GRIA4: variants seen among roughly 807,000 people sequenced by gnomAD.
The protein encoded by GRIA4 is glutamate ionotropic receptor AMPA type subunit 4, also known as glutamate receptor 4.
In GRIA4, 34 loss-of-function variants were observed where a neutral mutation model predicts 104.0. That is an observed-to-expected ratio of 0.33 (90% CI 0.25 to 0.44). GRIA4 has a LOEUF of 0.44. GRIA4 is among the 20% of genes least tolerant of loss of function. The probability of loss-of-function intolerance (pLI) is 1.00; values close to 1 mark genes in which losing one functional copy is unlikely to be tolerated. For missense variants in GRIA4, 750 were observed against 1,096.5 expected (o/e 0.68, Z 4.46); for synonymous variants, 386 against 381.9 (o/e 1.01, Z -0.13).
intron 3 of GRIA4, among the ~76,000 whole-genome samples, chr11:105,640,898 G>C (rs561693510): frequency 1.3e-5 from 2 of 151,518 alleles, no homozygotes; most frequent in African/African-American, 4.8e-5. Context: ...CTTATTCTTT[G>C]GTTTTCTATT....
At chr11:105,735,630 A>G (rs565170689) in intron 3 of GRIA4, among the ~76,000 whole-genome samples, 9 of 152,224 alleles carry the variant, frequency 5.9e-5, no homozygotes, top group Admixed American at 1.3e-4. Context: ...TCTACTTTTT[A>G]TCTAAGCTAA....
chr11:105,845,611 G>C (rs534161104), intron 4 of GRIA4, among the ~76,000 whole-genome samples: 1 of 152,178 alleles, frequency 6.6e-6, no homozygotes, highest in Non-Finnish European at 1.5e-5. Flanking sequence ...GGCCGGGCAC[G>C]GTGGCTCACG....
chr11:105,741,444 T>A (rs571763448), intron 3 of GRIA4, among the ~76,000 whole-genome samples: 301 of 152,238 alleles, frequency 2.0e-3, no homozygotes, highest in African/African-American at 7.1e-3. Flanking sequence ...GATTAGATGA[T>A]CTAAAGAAAC....
intron 10 of GRIA4, among the ~76,000 whole-genome samples, chr11:105,918,464 G>A (rs537147431): frequency 1.3e-5 from 2 of 151,990 alleles, no homozygotes. Flanking sequence ...CATAGTGCTA[G>A]GTTTTTAATA....
chr11:105,824,089 A>G (rs934355014), intron 4 of GRIA4, among the ~76,000 whole-genome samples: 1 of 152,114 alleles, frequency 6.6e-6, no homozygotes, highest in Admixed American at 6.6e-5. Flanking sequence ...CTGATCTTGG[A>G]CTTCTAATCT....
intron 3 of GRIA4, among the ~76,000 whole-genome samples, chr11:105,653,616 T>C (rs946183117): frequency 3.3e-5 from 5 of 152,188 alleles, no homozygotes; most frequent in African/African-American, 1.2e-4. Context: ...GGACGGACTG[T>C]TGTACTGGCC....
chr11:105,691,104 G>A (rs1201584148), intron 3 of GRIA4, among the ~76,000 whole-genome samples: 1 of 152,092 alleles, frequency 6.6e-6, no homozygotes, highest in Non-Finnish European at 1.5e-5. Context: ...CATGTGTGGA[G>A]AAGGAAGCAT....
At chr11:105,703,711 G>T (rs574024261) in intron 3 of GRIA4, among the ~76,000 whole-genome samples, 3 of 152,102 alleles carry the variant, frequency 2.0e-5, no homozygotes, top group Non-Finnish European at 2.9e-5. Context: ...ACATAGAAAA[G>T]AGTTAAGACT....
chr11:105,842,009 T>G (rs1424632910), intron 4 of GRIA4, among the ~76,000 whole-genome samples: 1 of 152,178 alleles, frequency 6.6e-6, no homozygotes, highest in Non-Finnish European at 1.5e-5. Flanking sequence ...TTAAATTTAC[T>G]TTTTCACATC....
intron 4 of GRIA4, among the ~76,000 whole-genome samples, chr11:105,804,528 T>G (rs1198155819): frequency 6.6e-6 from 1 of 151,914 alleles, no homozygotes; most frequent in African/African-American, 2.4e-5. Context: ...AGTTGTATAC[T>G]CCTGCACAGA....
At chr11:105,940,278 C>G (rs1948151347) in intron 14 of GRIA4, among the ~76,000 whole-genome samples, 1 of 152,078 alleles carries the variant, frequency 6.6e-6, no homozygotes, top group African/African-American at 2.4e-5. Flanking sequence ...AGGAGAATCA[C>G]TTGAATCCAG....
At chr11:105,639,834 G>C (rs550731358) in intron 3 of GRIA4, among the ~76,000 whole-genome samples, 1 of 152,026 alleles carries the variant, frequency 6.6e-6, no homozygotes, top group Admixed American at 6.6e-5. Context: ...TATAAAAGTA[G>C]TAACAAATCA....
chr11:105,882,580 A>G (rs1946105694), intron 5 of GRIA4, among the ~76,000 whole-genome samples: 1 of 152,142 alleles, frequency 6.6e-6, no homozygotes, highest in South Asian at 2.1e-4. Flanking sequence ...ATATTTATTT[A>G]GTGTCTATTC....
At position 105,690,766 on chromosome 11, in the gene GRIA4, G is replaced by T. The variant is rs571522422; in HGVS notation, c.248-62215G>T. 2.0e-3 allele frequency among the ~76,000 whole-genome samples: 307 copies of T among 152,310 alleles called. 1 individual carries two copies. The highest frequency in any genetic ancestry group is 7.1e-3 in the African/African-American group (296 of 41,572). On this transcript the variant is annotated intron_variant, in intron 3 of 16. Transcript: ENST00000282499. The stretch of plus-strand genomic sequence containing the variant: ...TAGTCATTTTCCTGCCAAGGATGGA[G>T]AATGATCTATGTGACCTTTTCCAGA...
At chr11:105,836,836 T>C (rs1378787297) in intron 4 of GRIA4, among the ~76,000 whole-genome samples, 1 of 152,188 alleles carries the variant, frequency 6.6e-6, no homozygotes, top group South Asian at 2.1e-4. Context: ...ATATTTCTTC[T>C]AATACTGATG....
Position 105,811,191 on chromosome 11 carries a change from C to T in GRIA4, c.488-50833C>T, listed in dbSNP as rs78583836. Among the ~76,000 whole-genome samples the T allele has an allele frequency of 8.1e-3, 1,233 of 152,190 alleles. 14 individuals carry two copies. Among genetic ancestry groups the T allele is most frequent in the East Asian group, 0.054 (279 of 5,166 alleles). On this transcript the variant is annotated intron_variant, in intron 4 of 16. Transcript: ENST00000282499. ...CCATGATCAGCTGTTAAGAGGGCTG[C>T]AGGGAACACAGCAGCACAACTGAGA...
At chr11:105,699,686 CT>C (rs1472747862) in intron 3 of GRIA4, among the ~76,000 whole-genome samples, 5 of 152,076 alleles carry the variant, frequency 3.3e-5, no homozygotes, top group Admixed American at 6.6e-5. Context: ...CTTATTTCCT[CT>C]GCTTGGAACA....
chr11:105,756,365 G>T (rs912391949), intron 4 of GRIA4, among the ~76,000 whole-genome samples: 1 of 152,176 alleles, frequency 6.6e-6, no homozygotes, highest in Non-Finnish European at 1.5e-5. Flanking sequence ...CACAAGCACC[G>T]TTCTTTTCCT....
intron 3 of GRIA4, among the ~76,000 whole-genome samples, chr11:105,644,124 C>T (rs1472497119): frequency 1.3e-5 from 2 of 152,074 alleles, no homozygotes; most frequent in Middle Eastern, 3.2e-3. Flanking sequence ...TATTTACTAC[C>T]TGATTTTGAA....
Sources: gnomAD v4.1 joint callset for allele counts (sites outside exome capture counted in the v4.1 genomes callset) on GRCh38, gnomAD v4.1.1 for gene constraint, MANE v1.5 for transcripts, NCBI Gene and HGNC (gene_info 2026-07-23, HGNC 2026-07-21) for gene names.